LMNTD1: variants seen among roughly 807,000 people sequenced by gnomAD.
LMNTD1 encodes lamin tail domain-containing protein 1.
Under a neutral mutation model 50.9 loss-of-function variants are expected in LMNTD1, and 35 were observed. The observed-to-expected ratio is 0.69, with a 90% CI of 0.53 to 0.91. The LOEUF is 0.91. Ranked by LOEUF, LMNTD1 falls within the 40% of genes least tolerant of loss-of-function variation. LMNTD1 has a pLI of 0.00. For synonymous variants in LMNTD1, 153 were observed against 161.9 expected (o/e 0.94, Z 0.42); for missense variants, 470 against 475.5 (o/e 0.99, Z 0.11).
At chr12:25,583,587 G>C (rs1157589770) in intron 1 of LMNTD1, among the ~76,000 whole-genome samples, 1 of 152,056 alleles carries the variant, frequency 6.6e-6, no homozygotes, top group Non-Finnish European at 1.5e-5. Context: ...GTATCTTTTT[G>C]AATCTCAGTG....
intron 8 of LMNTD1, among the ~76,000 whole-genome samples, chr12:25,507,005 G>T (rs1257151673): frequency 6.6e-6 from 1 of 151,798 alleles, no homozygotes; most frequent in East Asian, 1.9e-4. Flanking sequence ...TCGGCCTCCC[G>T]AGTAGCTGGG....
At chr12:25,558,967 GT>G (rs71065955) in intron 1 of LMNTD1, among the ~76,000 whole-genome samples, 111 of 146,496 alleles carry the variant, frequency 7.6e-4, no homozygotes, top group Non-Finnish European at 7.0e-4. Flanking sequence ...TTGACTTACA[GT>G]TTTTTTTTTT....
chr12:25,531,687 T>A (rs1942237044), intron 4 of LMNTD1, among the ~76,000 whole-genome samples: 1 of 152,206 alleles, frequency 6.6e-6, no homozygotes, highest in African/African-American at 2.4e-5. Flanking sequence ...ATGTCTTTCA[T>A]TAGTCTGGGA....
chr12:25,506,915 T>G (rs1939829470), intron 8 of LMNTD1, among the ~76,000 whole-genome samples: 1 of 152,114 alleles, frequency 6.6e-6, no homozygotes, highest in African/African-American at 2.4e-5. Flanking sequence ...GTTTTGCTGT[T>G]GTTGCCCAGG....
chr12:25,624,275 G>T (rs1012628609), intron 1 of LMNTD1, among the ~76,000 whole-genome samples: 16 of 152,096 alleles, frequency 1.1e-4, no homozygotes, highest in African/African-American at 3.9e-4. Context: ...CTTAAAATTT[G>T]CCATCAGTCT....
intron 1 of LMNTD1, among the ~76,000 whole-genome samples, chr12:25,628,102 C>T (rs1946633510): frequency 2.8e-5 from 2 of 72,104 alleles, no homozygotes; most frequent in African/African-American, 1.2e-4. Context: ...AGTGAAACTC[C>T]GTCTCAAAAA....
At chr12:25,523,053 G>A (rs558886307) in intron 6 of LMNTD1, among the ~76,000 whole-genome samples, 13 of 149,810 alleles carry the variant, frequency 8.7e-5, no homozygotes, top group Admixed American at 3.3e-4. Context: ...ATTTTTTTTC[G>A]AGACAGAGTC....
chr12:25,495,628 CA>C (rs979266163), intron 9 of LMNTD1, among the ~76,000 whole-genome samples: 15 of 152,096 alleles, frequency 9.9e-5, no homozygotes, highest in African/African-American at 3.6e-4. Flanking sequence ...TAAAATGCTG[CA>C]AAAACACATT....
At chr12:25,524,750 A>T (rs1205794085) in intron 6 of LMNTD1, among the ~76,000 whole-genome samples, 1 of 152,142 alleles carries the variant, frequency 6.6e-6, no homozygotes, top group South Asian at 2.1e-4. Context: ...TTCTCCATCA[A>T]TGAAAATTAA....
Position 25,552,858 on chromosome 12 carries a change from T to C in LMNTD1, c.89+13A>G. ...GCTCTAACTCTGCTTCCATCGCATC[T>C]ATGCATGCTCACTGTTTTTGTTTCT... On this transcript the variant is annotated intron_variant, in intron 2 of 9. Transcript: ENST00000458174. 1 of 1,456,186 alleles carries C rather than the reference T, an allele frequency of 6.9e-7. No individual in the cohort carries two copies. Among genetic ancestry groups the C allele is most frequent in the Admixed American group, 2.0e-5 (1 of 50,872 alleles). The allele number at this position is 1,456,186 out of a possible 1,614,324, so 90.2% of individuals were successfully genotyped here.
At chr12:25,536,996 A>G (rs1242974261) in intron 4 of LMNTD1, among the ~76,000 whole-genome samples, 2 of 152,232 alleles carry the variant, frequency 1.3e-5, no homozygotes, top group African/African-American at 4.8e-5. Flanking sequence ...GGTCACTCCC[A>G]CCCGAATACT....
chr12:25,511,260 A>T (rs2135985402), intron 8 of LMNTD1, among the ~76,000 whole-genome samples: 1 of 152,272 alleles, frequency 6.6e-6, no homozygotes, highest in East Asian at 1.9e-4. Flanking sequence ...GGCAATGGGG[A>T]GAAAATGAAG....
At chr12:25,524,603 G>A (rs910398774) in intron 6 of LMNTD1, among the ~76,000 whole-genome samples, 6 of 152,024 alleles carry the variant, frequency 3.9e-5, no homozygotes, top group Non-Finnish European at 5.9e-5. Flanking sequence ...CACATACAAA[G>A]TAGAAATCAC....
At chr12:25,553,040 G>A (rs1202118881) in intron 1 of LMNTD1, 29 bp downstream of exon 1, 1 of 1,606,056 alleles carries the variant, frequency 6.2e-7, no homozygotes, top group Non-Finnish European at 8.5e-7. Flanking sequence ...GAGGTTCAAG[G>A]CAGATTTTTC....
intron 4 of LMNTD1, among the ~76,000 whole-genome samples, chr12:25,533,746 G>A (rs1229197475): frequency 6.6e-6 from 1 of 152,118 alleles, no homozygotes; most frequent in Admixed American, 6.5e-5. Flanking sequence ...GATCCTTAAT[G>A]TAATGGAGAT....
At chr12:25,508,800 G>C (rs1054849892) in intron 8 of LMNTD1, among the ~76,000 whole-genome samples, 7 of 152,150 alleles carry the variant, frequency 4.6e-5, no homozygotes, top group Non-Finnish European at 8.8e-5. Context: ...TTTCGCCACT[G>C]CACCTACTTC....
At chr12:25,640,145 TG>T (rs1305519805) in intron 1 of LMNTD1, among the ~76,000 whole-genome samples, 1 of 151,996 alleles carries the variant, frequency 6.6e-6, no homozygotes, top group Non-Finnish European at 1.5e-5. Context: ...CTAGGTGACT[TG>T]GGGGGAGAGG....
chr12:25,612,070 C>CTT (rs1946256798), intron 1 of LMNTD1, among the ~76,000 whole-genome samples: 1 of 152,048 alleles, frequency 6.6e-6, no homozygotes, highest in Non-Finnish European at 1.5e-5. Context: ...CATAATTGTA[C>CTT]CTATTCAAAG....
chr12:25,529,168 A>G (rs1591922284), intron 4 of LMNTD1, among the ~76,000 whole-genome samples: 3 of 151,870 alleles, frequency 2.0e-5, no homozygotes. Context: ...CAGTTTTGTT[A>G]CTTTTCAGCC....
Sources: gnomAD v4.1 joint callset for allele counts (sites outside exome capture counted in the v4.1 genomes callset) on GRCh38, gnomAD v4.1.1 for gene constraint, MANE v1.5 for transcripts, NCBI Gene and HGNC (gene_info 2026-07-23, HGNC 2026-07-21) for gene names.